The following PTPRF variants were observed in gnomAD, a reference collection of about 807,000 sequenced individuals.
The protein encoded by PTPRF is receptor-type tyrosine-protein phosphatase F.
A neutral mutation model predicts 201.8 loss-of-function variants in PTPRF; 59 were observed. The ratio of observed to expected loss-of-function variants is 0.29; its 90% CI spans 0.24 to 0.36. PTPRF has a LOEUF of 0.36. Ranked by LOEUF, PTPRF falls within the 10% of genes least tolerant of loss-of-function variation. PTPRF has a pLI of 1.00. For synonymous variants in PTPRF, 1,088 were observed against 1,089.7 expected (o/e 1.00, Z 0.03); for missense variants, 2,132 against 2,690.5 (o/e 0.79, Z 4.59).
At chr1:43,536,582 A>G (rs1644024906) in intron 1 of PTPRF, among the ~76,000 whole-genome samples, 1 of 152,162 alleles carries the variant, frequency 6.6e-6, no homozygotes, top group Non-Finnish European at 1.5e-5. Flanking sequence ...CCCTCTGCCC[A>G]GGGTCTCTGC....
chr1:43,575,001 A>G (rs1472739259), intron 6 of PTPRF, among the ~76,000 whole-genome samples: 1 of 152,136 alleles, frequency 6.6e-6, no homozygotes, highest in East Asian at 1.9e-4. Flanking sequence ...ATTTTTCTGC[A>G]CACTTCCCAA....
At chr1:43,571,533 C>T (rs531229006) in intron 6 of PTPRF, among the ~76,000 whole-genome samples, 37 of 152,314 alleles carry the variant, frequency 2.4e-4, no homozygotes, top group African/African-American at 5.5e-4. Flanking sequence ...TACCCTCTTT[C>T]CATAAGTGGC....
rs1483074075 is a variant in PTPRF, at chr1:43,606,808, C to T, written c.3703-6C>T. The T allele has an allele frequency of 1.4e-5, 22 of 1,612,412 alleles. No individual in the cohort carries two copies. The highest frequency in any genetic ancestry group is 1.7e-5 in the Admixed American group (1 of 59,998). On this transcript the variant is annotated splice_polypyrimidine_tract_variant and splice_region_variant and intron_variant, in intron 20 of 33. Coordinates refer to ENST00000359947, the MANE Select transcript of PTPRF (RefSeq NM_002840.5). ...TCACAGCCTGCTGTTCTCCACCGGG[C>T]CACAGAAGCGCTATGCCTCCAGCCC...
At chr1:43,579,266 G>T in intron 7 of PTPRF, 2 of 517,060 alleles carry the variant, frequency 3.9e-6, no homozygotes, top group South Asian at 1.5e-5. Flanking sequence ...GCACACACGG[G>T]CACACTTATC....
chr1:43,605,144 G>A, intron 17 of PTPRF, 46 bp from the exon 18 acceptor site: 1 of 1,577,126 alleles, frequency 6.3e-7, no homozygotes, highest in South Asian at 1.2e-5. Flanking sequence ...GCCCGTGGTA[G>A]GGAACCTCAC....
At position 43,606,895 on chromosome 1, in the gene PTPRF, C is replaced by T. The variant is rs1655252280; in HGVS notation, c.3784C>T (p.Leu1262=). 1 of 1,614,082 alleles carries T rather than the reference C, an allele frequency of 6.2e-7. No individual in the cohort carries two copies. The highest frequency in any genetic ancestry group is 1.3e-5 in the African/African-American group (1 of 74,946). Residue 1262 remains leucine, a synonymous_variant, in exon 21 of 34, where the codon CTG becomes TTG. Transcript: ENST00000359947. ...PAQQQEEPEM[L]WVTGPVLAVI... is the part of the protein sequence containing the mutation. ...CCAGCAGCAGGAGGAGCCGGAGATGCTGTGGGTGACGGGTCCCGTGCTGGC... is the reference window on the plus strand; with the variant it reads ...CCAGCAGCAGGAGGAGCCGGAGATGTTGTGGGTGACGGGTCCCGTGCTGGC...
At position 43,617,544 on chromosome 1, in the gene PTPRF, C is replaced by G. The variant is rs1210951527; in HGVS notation, c.4171C>G (p.Arg1391Gly). 2.5e-6 allele frequency: 4 copies of G among 1,614,052 alleles called. No individual in the cohort carries two copies. The highest frequency in any genetic ancestry group is 3.4e-6 in the Non-Finnish European group (4 of 1,180,008). The change falls in exon 24 of 34, where the codon CGA becomes GGA. Residue 1391 changes from arginine to glycine, a missense_variant. Physicochemically the swap from Arg to Gly is moderately radical, Grantham distance 125. Around this residue, in one of 6 missense-constraint regions of PTPRF, gnomAD observed 818 missense variants for 915.3 expected, o/e 0.89. Coordinates refer to ENST00000359947, the MANE Select transcript of PTPRF (RefSeq NM_002840.5). ...YANVIAYDHS[R>G]VILTSIDGVP... ...GAATGTCATCGCCTACGACCACTCT[C>G]GAGTCATCCTTACCTCTATCGATGG...
intron 20 of PTPRF, 83 bp downstream of exon 20, chr1:43,606,541 C>T: frequency 7.5e-7 from 1 of 1,341,438 alleles, no homozygotes; most frequent in Non-Finnish European, 1.0e-6. Flanking sequence ...CACCACAAGA[C>T]CCCAGGTCTT....
At position 43,622,376 on chromosome 1, in the gene PTPRF, C is replaced by T. The variant is rs1380540984; in HGVS notation, c.*373C>T. 9.1e-6 allele frequency: 2 copies of T among 219,286 alleles called. No individual in the cohort carries two copies. Among genetic ancestry groups the T allele is most frequent in the Non-Finnish European group, 9.0e-6 (1 of 111,534 alleles). The allele number at this position is 219,286 out of a possible 1,614,324, so 13.6% of individuals were successfully genotyped here. ...ACTGAGGGATTTTAGCCTCTTCCCT[C>T]TGATTTTTCCTTTCGCGAATCCGTA... is the stretch of plus-strand genomic sequence containing the variant. On this transcript the variant is annotated 3_prime_UTR_variant, in exon 34 of 34. Transcript: ENST00000359947.
chr1:43,566,569 G>T (rs967927028), intron 5 of PTPRF, among the ~76,000 whole-genome samples: 2 of 152,208 alleles, frequency 1.3e-5, no homozygotes, highest in African/African-American at 4.8e-5. Context: ...CTGGCTGATA[G>T]ATCAGTTTAC....
chr1:43,603,504 A>G lies in PTPRF; in HGVS notation c.2429A>G (p.Lys810Arg), dbSNP rs763012613. The change falls in exon 15 of 34, where the codon AAG becomes AGG. Residue 810 changes from lysine to arginine, a missense_variant. Transcript: ENST00000359947. The surrounding 1 kb of genome is among the most constrained non-coding windows in gnomAD (Gnocchi z 5.8). Reference protein sequence around the residue: ...YTTKGDGARSKPKIVTTTGAV... With the variant: ...YTTKGDGARSRPKIVTTTGAV... ...ACCAAGGGGGATGGTGCCCGCAGCA[A>G]GCCCAAAATTGTCACTACAACAGGT... 6.2e-7 allele frequency: 1 copy of G among 1,614,010 alleles called. No homozygotes were observed. Among genetic ancestry groups the G allele is most frequent in the African/African-American group, 1.3e-5 (1 of 74,924 alleles).
chr1:43,620,482 A>G lies in PTPRF; in HGVS notation c.5267A>G (p.Glu1756Gly). 3 of 1,613,338 alleles carry G rather than the reference A, an allele frequency of 1.9e-6. No individual in the cohort carries two copies. The highest frequency in any genetic ancestry group is 1.1e-5 in the South Asian group (1 of 91,060). ...REKCHQYWPA[E>G]RSARYQYFVV... ...AAATGCCACCAGTACTGGCCAGCAG[A>G]GCGCTCTGCTCGCTACCAGTACTTT... The change falls in exon 31 of 34, where the codon GAG becomes GGG. Residue 1756 changes from glutamate to glycine, a missense_variant. Physicochemically the swap from Glu to Gly is moderately conservative, Grantham distance 98. Around this residue, in one of 6 missense-constraint regions of PTPRF, gnomAD observed 519 missense variants for 659.5 expected, o/e 0.79. Transcript: ENST00000359947.
At chr1:43,579,093 T>C (rs1647136310) in intron 7 of PTPRF, 173 bp downstream of exon 7, 1 of 731,684 alleles carries the variant, frequency 1.4e-6, no homozygotes, top group South Asian at 1.5e-5. Context: ...GGCAAGTTCC[T>C]GGCGTCTGCC....
In PTPRF at chr1:43,540,189, C is replaced by T. The variant is rs535371666; in HGVS notation, c.-46+1912C>T. ...CCCCTAGATGCCAGTAGCATCTCCC[C>T]GCTTTCCCCAGTCTCGACAATCAAA... On this transcript the variant is annotated intron_variant, in intron 2 of 33. Transcript: ENST00000359947. 1.2e-4 allele frequency among the ~76,000 whole-genome samples: 18 copies of T among 152,314 alleles called. No homozygotes were observed. In the South Asian group the frequency reaches 1.9e-3, roughly 16 times the overall value.
upstream of PTPRF, among the ~76,000 whole-genome samples, chr1:43,529,551 C>T (rs992968233): frequency 1.4e-4 from 22 of 152,168 alleles, no homozygotes; most frequent in African/African-American, 5.3e-4. Context: ...GAAACCTCAT[C>T]TCTTTTTCTG....
intron 13 of PTPRF, among the ~76,000 whole-genome samples, chr1:43,601,283 G>C (rs1653677059): frequency 6.6e-6 from 1 of 152,208 alleles, no homozygotes. Flanking sequence ...CCCTCCACCT[G>C]TCCATCTAGA....
chr1:43,593,846 C>T (rs1333927383), intron 11 of PTPRF, among the ~76,000 whole-genome samples: 6 of 151,640 alleles, frequency 4.0e-5, no homozygotes, highest in Admixed American at 2.6e-4. Context: ...ATTAGCCAGG[C>T]GTGGTGGTGG....
intron 5 of PTPRF, among the ~76,000 whole-genome samples, chr1:43,558,553 G>A (rs1645554546): frequency 6.6e-6 from 1 of 152,212 alleles, no homozygotes; most frequent in South Asian, 2.1e-4. Context: ...TGTGATGAGC[G>A]TGGGGCCCGC....
chr1:43,607,839 G>A (rs973001294), intron 21 of PTPRF, among the ~76,000 whole-genome samples: 1 of 152,244 alleles, frequency 6.6e-6, no homozygotes, highest in Non-Finnish European at 1.5e-5. Context: ...GCAAGGCCTT[G>A]CCTGGCCCCT....
Sources: gnomAD v4.1 joint callset for allele counts (sites outside exome capture counted in the v4.1 genomes callset) on GRCh38, gnomAD v4.1.1 for gene constraint, gnomAD v4.1.1 regional missense constraint, Gnocchi (gnomAD v3.1) non-coding constraint, MANE v1.5 for transcripts, NCBI Gene and HGNC (gene_info 2026-07-23, HGNC 2026-07-21) for gene names.